Variants in PPP2R2C observed in about 807,000 individuals in gnomAD.
The protein encoded by PPP2R2C is protein phosphatase 2, regulatory subunit B, gamma.
PPP2R2C carries 10 observed loss-of-function variants against 45.3 expected under a neutral mutation model. The ratio of observed to expected loss-of-function variants is 0.22; its 90% CI spans 0.14 to 0.37. The LOEUF (loss-of-function observed/expected upper bound fraction) is 0.37. Among genes scored for constraint, PPP2R2C ranks in the 10% least tolerant of loss-of-function variants. The pLI, the probability that PPP2R2C is intolerant of heterozygous loss-of-function variation, is 1.00. For missense variants in PPP2R2C, 308 were observed against 619.7 expected, an observed-to-expected ratio of 0.50 and a Z score of 5.34; for synonymous variants, 257 against 245.4, an observed-to-expected ratio of 1.05 and a Z score of -0.44.
rs146157127 is a variant in PPP2R2C, at chr4:6,385,610, C to T, written c.71-4516G>A. On this transcript the variant is annotated intron_variant, in intron 1 of 8. Coordinates refer to ENST00000382599, the MANE Select transcript of PPP2R2C (RefSeq NM_020416.4). ...TTTGAGACAGAGTCTCACTTTGTCA[C>T]CCAGGATGGAGTGCAGCGGTGCAAT... Among the ~76,000 whole-genome samples the T allele has an allele frequency of 1.8e-3, 272 of 152,178 alleles. 2 individuals carry two copies. The highest frequency in any genetic ancestry group is 3.7e-3 in the Admixed American group (57 of 15,282).
At chr4:6,366,944 G>A (rs112954191) in intron 5 of PPP2R2C, among the ~76,000 whole-genome samples, 2 of 152,208 alleles carry the variant, frequency 1.3e-5, no homozygotes, top group African/African-American at 4.8e-5. Context: ...GTTCCGATGA[G>A]CCAATTTCAC....
At chr4:6,409,633 C>G (rs1436261205) in intron 1 of PPP2R2C, among the ~76,000 whole-genome samples, 2 of 152,170 alleles carry the variant, frequency 1.3e-5, no homozygotes, top group Admixed American at 1.3e-4. Context: ...GAGGGAGGCA[C>G]AGGAGCACCA....
chr4:6,518,101 C>G lies in PPP2R2C; in HGVS notation c.49+17170G>C, dbSNP rs543310815. ...AAGAGAAATTCAAAAGTATTTTGAA[C>G]TAATTAAAAATGAAAACACAACTTA... is the stretch of plus-strand genomic sequence containing the variant. On this transcript the variant is annotated intron_variant, in intron 2 of 9. Transcript: ENST00000506140. Among the ~76,000 whole-genome samples, 8 of 152,216 alleles carry G rather than the reference C, an allele frequency of 5.3e-5. No homozygotes were observed. The East Asian group carries it at 1.5e-3, about 29-fold the overall frequency.
At chr4:6,403,197 GC>G (rs1215367184) in intron 1 of PPP2R2C, among the ~76,000 whole-genome samples, 1 of 152,186 alleles carries the variant, frequency 6.6e-6, no homozygotes, top group African/African-American at 2.4e-5. Flanking sequence ...TCGCTCTCAT[GC>G]AAAATATTAA....
rs1442461776 is a variant in PPP2R2C, at chr4:6,380,977, C to T, written c.168+20G>A. ...TGCTCCCCACCCCTCCCACCTCCCACCAGACCCAGGGCTTCGCACCTCTGG... is the reference window on the plus strand; with the variant it reads ...TGCTCCCCACCCCTCCCACCTCCCATCAGACCCAGGGCTTCGCACCTCTGG... On this transcript the variant is annotated intron_variant, in intron 2 of 8. Coordinates refer to ENST00000382599, the MANE Select transcript of PPP2R2C (RefSeq NM_020416.4). 2 of 1,496,788 alleles carry T rather than the reference C, an allele frequency of 1.3e-6. No homozygotes were observed. Among genetic ancestry groups the T allele is most frequent in the East Asian group, 2.4e-5 (1 of 42,096 alleles). 92.7% of individuals were successfully genotyped at this position (1,496,788 alleles called of 1,614,324 possible).
At chr4:6,546,519 C>A (rs62286159) in intron 1 of PPP2R2C, among the ~76,000 whole-genome samples, 1 of 152,134 alleles carries the variant, frequency 6.6e-6, no homozygotes, top group East Asian at 1.9e-4. Context: ...ATGACTAGCC[C>A]AGGGCCACAC....
In PPP2R2C at chr4:6,557,042, G is replaced by A. The variant is rs1387968340; in HGVS notation, c.-59+6518C>T. On this transcript the variant is annotated intron_variant, in intron 1 of 9. Transcript: ENST00000506140. ...ACCAGGGCAGAGAGAAGCTGGGGCT[G>A]GAAAGGAACAAGGGGTACAAGCCTC... is the stretch of plus-strand genomic sequence containing the variant. 3.9e-5 allele frequency among the ~76,000 whole-genome samples: 6 copies of A among 152,272 alleles called. No individual in the cohort carries two copies. In the East Asian group the frequency reaches 1.2e-3, roughly 29 times the overall value.
At chr4:6,463,077 A>G (rs1010348504) in intron 1 of PPP2R2C, among the ~76,000 whole-genome samples, 4 of 152,368 alleles carry the variant, frequency 2.6e-5, no homozygotes, top group African/African-American at 9.6e-5. Context: ...AGTTTGCATC[A>G]AAACTTTTTT....
chr4:6,443,927 A>T (rs1054894781), intron 1 of PPP2R2C, among the ~76,000 whole-genome samples: 1 of 152,198 alleles, frequency 6.6e-6, no homozygotes, highest in African/African-American at 2.4e-5. Context: ...GCAGCCCAGC[A>T]GCCCAGCAGC....
Position 6,350,641 on chromosome 4 carries a change from G to A in PPP2R2C, c.626-2631C>T, listed in dbSNP as rs1395357620. On this transcript the variant is annotated intron_variant, in intron 5 of 8. Coordinates refer to ENST00000382599, the MANE Select transcript of PPP2R2C (RefSeq NM_020416.4). The stretch of plus-strand genomic sequence containing the variant: ...ATGAAGTCAAATGCTGACACCCAGG[G>A]GGTTCTCTGAACATTCCAGGTTCTC... 3.1e-6 allele frequency: 3 copies of A among 975,862 alleles called. No individual in the cohort carries two copies. In the African/African-American group the frequency reaches 5.5e-5, roughly 18 times the overall value. The allele number at this position is 975,862 out of a possible 1,614,324, so 60.5% of individuals were successfully genotyped here.
chr4:6,475,324 A>T (rs141505353), upstream of PPP2R2C, among the ~76,000 whole-genome samples: 4 of 152,318 alleles, frequency 2.6e-5, no homozygotes, highest in Non-Finnish European at 5.9e-5. Context: ...ATTTGTCAGC[A>T]TCTCTCCAGA....
chr4:6,509,247 G>C (rs1483020404), intron 2 of PPP2R2C, among the ~76,000 whole-genome samples: 4 of 152,196 alleles, frequency 2.6e-5, no homozygotes, highest in African/African-American at 7.2e-5. Context: ...ACTCCAGCTT[G>C]AAAACAAAGG....
chr4:6,410,955 A>C (rs1326627005), intron 1 of PPP2R2C, among the ~76,000 whole-genome samples: 1 of 151,440 alleles, frequency 6.6e-6, no homozygotes, highest in Admixed American at 6.6e-5. Flanking sequence ...TGCAGCTTCA[A>C]CCCTCCCAGG....
At chr4:6,388,140 C>T (rs995716566) in intron 1 of PPP2R2C, among the ~76,000 whole-genome samples, 1 of 152,214 alleles carries the variant, frequency 6.6e-6, no homozygotes, top group Admixed American at 6.5e-5. Context: ...CTGTCCTTCC[C>T]CCCCTGAGGT....
intron 5 of PPP2R2C, chr4:6,349,066 G>A (rs1036625646): frequency 2.0e-6 from 2 of 985,244 alleles, no homozygotes; most frequent in Middle Eastern, 5.2e-4. Context: ...CCCAGCAGCA[G>A]ATCAGAATCT....
intron 1 of PPP2R2C, among the ~76,000 whole-genome samples, chr4:6,542,937 G>A (rs1273278434): frequency 4.6e-5 from 7 of 152,286 alleles, no homozygotes; most frequent in South Asian, 4.1e-4. Context: ...CAAAATTGTC[G>A]TAATCAATTT....
chr4:6,470,979 C>T (rs535533349), intron 1 of PPP2R2C, among the ~76,000 whole-genome samples: 1,660 of 151,856 alleles, frequency 0.011, 37 homozygotes, highest in African/African-American at 0.037. Flanking sequence ...TCGCGCTGCG[C>T]TCCCCGGGCC....
At chr4:6,555,196 C>T (rs1176340727) in intron 1 of PPP2R2C, among the ~76,000 whole-genome samples, 1 of 152,112 alleles carries the variant, frequency 6.6e-6, no homozygotes, top group African/African-American at 2.4e-5. Flanking sequence ...TTGACCTAAT[C>T]ACCTCCCAAA....
intron 5 of PPP2R2C, among the ~76,000 whole-genome samples, chr4:6,363,007 A>T (rs1413643896): frequency 6.6e-6 from 1 of 152,210 alleles, no homozygotes; most frequent in Non-Finnish European, 1.5e-5. Context: ...CAACCAGTTA[A>T]CATCGGCAGC....
Sources: allele counts gnomAD v4.1 joint callset (sites outside exome capture counted in the v4.1 genomes callset), GRCh38; gene constraint gnomAD v4.1.1; transcripts MANE v1.5; gene names NCBI Gene and HGNC (gene_info 2026-07-23, HGNC 2026-07-21).